CCBE1: variants seen among roughly 807,000 people sequenced by gnomAD.
The protein encoded by CCBE1 is collagen and calcium binding EGF domains 1.
Under a neutral mutation model 50.0 loss-of-function variants are expected in CCBE1, and 37 were observed. The ratio of observed to expected loss-of-function variants is 0.74; its 90% CI spans 0.57 to 0.97. The LOEUF is 0.97. Among genes scored for constraint, CCBE1 ranks in the 50% least tolerant of loss-of-function variants. CCBE1 has a pLI of 0.00. For synonymous variants in CCBE1, 234 were observed against 203.7 expected (o/e 1.15, Z -1.27); for missense variants, 538 against 523.8 (o/e 1.03, Z -0.26).
chr18:59,536,075 AT>A (rs1292025244), intron 2 of CCBE1, among the ~76,000 whole-genome samples: 1 of 152,240 alleles, frequency 6.6e-6, no homozygotes, highest in African/African-American at 2.4e-5. Context: ...AATATAAAGT[AT>A]TTTTATGATA....
intron 2 of CCBE1, among the ~76,000 whole-genome samples, chr18:59,607,046 T>G (rs1256462024): frequency 3.7e-5 from 5 of 134,396 alleles, no homozygotes; most frequent in Admixed American, 7.8e-5. Context: ...ATAAAAGGTG[T>G]GTTGAATTGG....
chr18:59,472,739 G>A (rs189999402), intron 3 of CCBE1, among the ~76,000 whole-genome samples: 21 of 152,342 alleles, frequency 1.4e-4, no homozygotes, highest in Middle Eastern at 3.4e-3. Flanking sequence ...GATCTCTCAT[G>A]TATTAGTCTG....
rs141874160 is a variant in CCBE1 at position 59,554,216 on chromosome 18, C to A, written c.213-73978G>T. On this transcript the variant is annotated intron_variant, in intron 2 of 10. Transcript: ENST00000439986. ...TTCCCAGACTTGTCTTGAACTCAAG[C>A]GATCCTCTCACCTCAGCTTCCCAAA... Among the ~76,000 whole-genome samples, 3 of 152,112 alleles carry A rather than the reference C, an allele frequency of 2.0e-5. 1 individual carries two copies. The highest frequency in any genetic ancestry group is 7.2e-5 in the African/African-American group (3 of 41,420).
At chr18:59,436,702 C>T (rs1247011606) in intron 10 of CCBE1, among the ~76,000 whole-genome samples, 2 of 152,076 alleles carry the variant, frequency 1.3e-5, no homozygotes, top group African/African-American at 4.8e-5. Flanking sequence ...GGTGTGGTGG[C>T]TCACGCCTAT....
intron 2 of CCBE1, among the ~76,000 whole-genome samples, chr18:59,515,807 A>C (rs1002665592): frequency 3.3e-5 from 5 of 152,138 alleles, no homozygotes; most frequent in Non-Finnish European, 5.9e-5. Flanking sequence ...GACTTCAAGA[A>C]GTTAATCTCC....
At chr18:59,485,530 A>G (rs957011292) in intron 2 of CCBE1, among the ~76,000 whole-genome samples, 1 of 151,854 alleles carries the variant, frequency 6.6e-6, no homozygotes, top group African/African-American at 2.4e-5. Flanking sequence ...TTTTTCTATT[A>G]TTTATTTGGG....
Position 59,480,220 on chromosome 18 carries a change from T to C in CCBE1, c.231A>G (p.Gly77=). 1 of 1,598,578 alleles carries C rather than the reference T, an allele frequency of 6.3e-7. No homozygotes were observed. Among genetic ancestry groups the C allele is most frequent in the Non-Finnish European group, 8.6e-7 (1 of 1,166,310 alleles). Reference sequence around the variant, plus strand: ...TGCATTGTCCAAGAACAAATTTATATCCTTTGCAGCACTTTTTCCTAAGAG... The same window carrying C: ...TGCATTGTCCAAGAACAAATTTATACCCTTTGCAGCACTTTTTCCTAAGAG... ...TTCYRKKCCK[G]YKFVLGQCIP... The change falls in exon 3 of 11, where the codon GGA becomes GGG. Residue 77 remains glycine (G), a synonymous_variant. Coordinates refer to ENST00000439986, the MANE Select transcript of CCBE1 (RefSeq NM_133459.4).
intron 2 of CCBE1, 90 bp downstream of exon 2, chr18:59,696,539 G>A: frequency 6.3e-7 from 1 of 1,595,748 alleles, no homozygotes; most frequent in Non-Finnish European, 8.5e-7. Context: ...CCGGTCCCAA[G>A]CGCGTCTCCA....
intron 2 of CCBE1, among the ~76,000 whole-genome samples, chr18:59,596,266 A>G (rs1019363575): frequency 6.6e-6 from 1 of 152,188 alleles, no homozygotes; most frequent in Admixed American, 6.5e-5. Context: ...GTAAAGTACC[A>G]ATGTCAGGGT....
chr18:59,541,256 C>G (rs1432308769), intron 2 of CCBE1, among the ~76,000 whole-genome samples: 8 of 152,114 alleles, frequency 5.3e-5, no homozygotes, highest in Non-Finnish European at 7.4e-5. Context: ...CTATTCAGTA[C>G]TCTAAGTCAG....
chr18:59,640,575 A>G (rs1183903330), intron 2 of CCBE1, among the ~76,000 whole-genome samples: 1 of 152,226 alleles, frequency 6.6e-6, no homozygotes, highest in Non-Finnish European at 1.5e-5. Context: ...GAACTGGGAA[A>G]GACTACATGA....
At chr18:59,525,707 G>A (rs986360924) in intron 2 of CCBE1, among the ~76,000 whole-genome samples, 2 of 152,118 alleles carry the variant, frequency 1.3e-5, no homozygotes, top group African/African-American at 2.4e-5. Context: ...TTTTCTTCTA[G>A]GGTTTTTATA....
chr18:59,526,466 T>G (rs1213018473), intron 2 of CCBE1, among the ~76,000 whole-genome samples: 1 of 152,038 alleles, frequency 6.6e-6, no homozygotes, highest in East Asian at 1.9e-4. Flanking sequence ...CCCACCACTA[T>G]GCCTAGCTAA....
chr18:59,633,312 T>A (rs2053873990), intron 2 of CCBE1, among the ~76,000 whole-genome samples: 1 of 152,252 alleles, frequency 6.6e-6, no homozygotes, highest in South Asian at 2.1e-4. Flanking sequence ...AACACTGGTA[T>A]AATTCTCCAT....
chr18:59,685,971 C>T (rs1041230416), intron 2 of CCBE1: 15 of 151,850 alleles, frequency 9.9e-5, no homozygotes, highest in Non-Finnish European at 1.9e-4. Context: ...TTCTAATCTC[C>T]CCAAATTTGG....
intron 5 of CCBE1, 166 bp from the exon 6 acceptor site, chr18:59,455,117 C>G (rs1177406856): frequency 1.4e-6 from 1 of 697,784 alleles, no homozygotes; most frequent in East Asian, 2.7e-5. Context: ...CCAGCATGCC[C>G]CAGGGTCAGG....
chr18:59,579,720 T>G (rs2053055452), intron 2 of CCBE1, among the ~76,000 whole-genome samples: 1 of 152,240 alleles, frequency 6.6e-6, no homozygotes, highest in Non-Finnish European at 1.5e-5. Context: ...CTTACTGCGT[T>G]AGTGTCTCTG....
intron 2 of CCBE1, among the ~76,000 whole-genome samples, chr18:59,677,340 C>T (rs1379880475): frequency 2.6e-5 from 4 of 152,152 alleles, no homozygotes; most frequent in African/African-American, 9.7e-5. Flanking sequence ...GGCATTCAGA[C>T]CACAAGCTAG....
chr18:59,619,997 A>T (rs2053690186), intron 2 of CCBE1, among the ~76,000 whole-genome samples: 1 of 152,214 alleles, frequency 6.6e-6, no homozygotes, highest in Non-Finnish European at 1.5e-5. Flanking sequence ...TCCCAGTCCC[A>T]TTCAACACTT....
Sources: gnomAD v4.1 joint callset for allele counts (sites outside exome capture counted in the v4.1 genomes callset) on GRCh38, gnomAD v4.1.1 for gene constraint, MANE v1.5 for transcripts, NCBI Gene and HGNC (gene_info 2026-07-23, HGNC 2026-07-21) for gene names.